Variants in ITFG1 observed in about 807,000 individuals in gnomAD.
The protein encoded by ITFG1 is integrin alpha FG-GAP repeat containing 1.
Under a neutral mutation model 81.8 loss-of-function variants are expected in ITFG1, and 34 were observed. The observed-to-expected ratio is 0.42, with a 90% confidence interval of 0.32 to 0.55. The LOEUF (loss-of-function observed/expected upper bound fraction) is 0.55, where lower values mean the gene tolerates loss of function less well. ITFG1 is among the 20% of genes least tolerant of loss of function. ITFG1 has a pLI of 0.17. For synonymous variants in ITFG1, 285 were observed against 270.6 expected (o/e 1.05, Z -0.52); for missense variants, 672 against 755.4 (o/e 0.89, Z 1.29).
intron 10 of ITFG1, among the ~76,000 whole-genome samples, chr16:47,279,669 A>G (rs1210084159): frequency 6.6e-6 from 1 of 152,178 alleles, no homozygotes; most frequent in Non-Finnish European, 1.5e-5. Context: ...GTATCTACAA[A>G]AAAACTCTAC....
chr16:47,452,725 ATACT>A lies in ITFG1; in HGVS notation c.485+4_485+7del. On this transcript the variant is annotated splice_donor_5th_base_variant and intron_variant, in intron 4 of 17. Transcript: ENST00000320640. ...AAATCGTTTCAAAGGAAGCAAGCCC[ATACT>A]TACTCCATAATTAGTGGCTCATCTT... is the stretch of plus-strand genomic sequence containing the variant. 6.4e-7 allele frequency: 1 copy of A among 1,569,124 alleles called. No homozygotes were observed. The highest frequency in any genetic ancestry group is 8.7e-7 in the Non-Finnish European group (1 of 1,148,520).
chr16:47,271,351 G>A (rs1001394175), intron 10 of ITFG1, among the ~76,000 whole-genome samples: 1 of 152,124 alleles, frequency 6.6e-6, no homozygotes, highest in South Asian at 2.1e-4. Flanking sequence ...TGGCCAACAA[G>A]TACGTGAAGA....
rs542443979 is a variant in ITFG1, at chr16:47,221,714, T to C, written c.1375-2768A>G. On this transcript the variant is annotated intron_variant, in intron 13 of 17. Coordinates refer to ENST00000320640, the MANE Select transcript of ITFG1 (RefSeq NM_030790.5). ...TTCGGCTGTGAATCCCATCAGGTCC[T>C]GGACTCTTTTTGGTTGGTAAGCTAT... Among the ~76,000 whole-genome samples, 18 of 152,356 alleles carry C rather than the reference T, an allele frequency of 1.2e-4. No homozygotes were observed. The South Asian group carries it at 3.7e-3, about 32-fold the overall frequency.
chr16:47,348,197 C>G (rs973546917), intron 8 of ITFG1, among the ~76,000 whole-genome samples: 9 of 152,166 alleles, frequency 5.9e-5, no homozygotes, highest in South Asian at 2.1e-4. Flanking sequence ...AGCAACGGAA[C>G]AAAGCTGGAC....
intron 6 of ITFG1, among the ~76,000 whole-genome samples, chr16:47,393,932 T>C (rs183387807): frequency 8.1e-4 from 123 of 152,280 alleles, no homozygotes; most frequent in African/African-American, 2.6e-3. Context: ...TTTATGTGAA[T>C]TAAAATTTGG....
At chr16:47,180,353 C>T (rs1249706688) in intron 14 of ITFG1, among the ~76,000 whole-genome samples, 1 of 151,106 alleles carries the variant, frequency 6.6e-6, no homozygotes, top group Admixed American at 6.6e-5. Flanking sequence ...GGTATTATTG[C>T]CCTCTCCCTC....
Position 47,333,472 on chromosome 16 carries a change from C to T in ITFG1, c.803-19649G>A, listed in dbSNP as rs964488658. Among the ~76,000 whole-genome samples, 5 of 152,254 alleles carry T rather than the reference C, an allele frequency of 3.3e-5. No individual in the cohort carries two copies. In the East Asian group the frequency reaches 9.6e-4, roughly 29 times the overall value. ...CTGGATTGAAGGTAAATGGACAATA[C>T]TGGAGAATATGCCCTTAAATATGAC... On this transcript the variant is annotated intron_variant, in intron 8 of 17. Coordinates refer to ENST00000320640, the MANE Select transcript of ITFG1 (RefSeq NM_030790.5).
At chr16:47,325,332 G>A (rs1053693697) in intron 8 of ITFG1, among the ~76,000 whole-genome samples, 5 of 152,174 alleles carry the variant, frequency 3.3e-5, no homozygotes, top group African/African-American at 1.2e-4. Flanking sequence ...GCAGTGTGTA[G>A]AGGGAAATTT....
At chr16:47,412,562 T>C (rs1968824844) in intron 6 of ITFG1, among the ~76,000 whole-genome samples, 9 of 151,820 alleles carry the variant, frequency 5.9e-5, no homozygotes, top group Admixed American at 5.9e-4. Context: ...GATATGGTGG[T>C]GTGTGCCTGT....
At chr16:47,318,992 C>T (rs916981450) in intron 8 of ITFG1, among the ~76,000 whole-genome samples, 2 of 152,112 alleles carry the variant, frequency 1.3e-5, no homozygotes, top group African/African-American at 2.4e-5. Context: ...AATGAGGAAT[C>T]TAAAGCCATA....
chr16:47,342,855 C>G (rs1268097832), intron 8 of ITFG1, among the ~76,000 whole-genome samples: 1 of 151,990 alleles, frequency 6.6e-6, no homozygotes, highest in Non-Finnish European at 1.5e-5. Flanking sequence ...AATTAAAGAC[C>G]TAAATAAATG....
At chr16:47,255,072 C>T (rs1322289780) in intron 12 of ITFG1, among the ~76,000 whole-genome samples, 1 of 152,060 alleles carries the variant, frequency 6.6e-6, no homozygotes, top group Non-Finnish European at 1.5e-5. Context: ...GGGCAATAGA[C>T]CGAGACTCTG....
intron 12 of ITFG1, among the ~76,000 whole-genome samples, chr16:47,240,454 A>G (rs1488979834): frequency 1.3e-5 from 2 of 152,346 alleles, no homozygotes; most frequent in East Asian, 3.9e-4. Context: ...AACAATAAAA[A>G]GACAACCCAG....
chr16:47,394,983 T>C (rs551497257), intron 6 of ITFG1, among the ~76,000 whole-genome samples: 2 of 152,200 alleles, frequency 1.3e-5, no homozygotes, highest in Non-Finnish European at 2.9e-5. Flanking sequence ...TTGTTTTTCA[T>C]GCCAATATAC....
chr16:47,400,677 G>T (rs1307873828), intron 6 of ITFG1, among the ~76,000 whole-genome samples: 4 of 152,122 alleles, frequency 2.6e-5, no homozygotes, highest in African/African-American at 7.2e-5. Flanking sequence ...GACCTGAAGG[G>T]TATGTAAAAG....
In ITFG1 at chr16:47,311,399, A is replaced by G. The variant is rs986797704; in HGVS notation, c.911T>C (p.Leu304Pro). Residue 304 changes from leucine (L) to proline (P), a missense_variant, in exon 10 of 18, where the codon CTA (leucine) becomes CCA (proline). Physicochemically the swap from Leu to Pro is moderately conservative, Grantham distance 98. Coordinates refer to ENST00000320640, the MANE Select transcript of ITFG1 (RefSeq NM_030790.5). ...RSGMKQWVPV[L>P]QDFSNKGTLW... ...TGTGCCCTTATTGCTGAAATCTTGT[A>G]GGACTGGAACCCACTATGGATTAAG... The G allele has an allele frequency of 6.2e-7, 1 of 1,612,372 alleles. No homozygotes were observed. Among genetic ancestry groups the G allele is most frequent in the Non-Finnish European group, 8.5e-7 (1 of 1,179,070 alleles).
At chr16:47,297,856 T>TTA (rs1272736635) in intron 10 of ITFG1, among the ~76,000 whole-genome samples, 7 of 152,326 alleles carry the variant, frequency 4.6e-5, no homozygotes, top group Middle Eastern at 3.4e-3. Context: ...GCTGGGCCTC[T>TTA]TATATTTGAA....
chr16:47,401,381 T>C (rs553585406), intron 6 of ITFG1, among the ~76,000 whole-genome samples: 1 of 152,184 alleles, frequency 6.6e-6, no homozygotes, highest in African/African-American at 2.4e-5. Context: ...ATAACTAATG[T>C]AACTGACAGA....
chr16:47,154,861 T>G lies in ITFG1; in HGVS notation c.*858A>C, dbSNP rs896312765. ...ATAATTTTTAGTTAATATGAGCAAG[T>G]AAATCTTTATGTCAATCACCAAAAA... On this transcript the variant is annotated 3_prime_UTR_variant, in exon 18 of 18. Coordinates refer to ENST00000320640, the MANE Select transcript of ITFG1 (RefSeq NM_030790.5). 3.3e-5 allele frequency: 5 copies of G among 152,226 alleles called. No individual in the cohort carries two copies. 9.4% of individuals were successfully genotyped at this position (152,226 alleles called of 1,614,324 possible). A position where few individuals can be genotyped will look rare whatever the true frequency, so the allele number is the denominator to read the frequency against.
Sources: allele counts gnomAD v4.1 joint callset (sites outside exome capture counted in the v4.1 genomes callset), GRCh38; gene constraint gnomAD v4.1.1; transcripts MANE v1.5; gene names NCBI Gene and HGNC (gene_info 2026-07-23, HGNC 2026-07-21).